The following TCEA1 variants were observed in gnomAD, a reference collection of about 807,000 sequenced individuals.
TCEA1 encodes transcription elongation factor A protein 1.
In TCEA1, 21 loss-of-function variants were observed where a neutral mutation model predicts 43.8. The observed-to-expected ratio is 0.48, with a 90% confidence interval of 0.34 to 0.69. The LOEUF (loss-of-function observed/expected upper bound fraction) is 0.69. Ranked by LOEUF, TCEA1 falls within the 30% of genes least tolerant of loss-of-function variation. The probability of loss-of-function intolerance (pLI) is 0.01; values close to 1 mark genes in which losing one functional copy is unlikely to be tolerated. For missense variants in TCEA1, 250 were observed against 365.1 expected (o/e 0.68, Z 2.57); for synonymous variants, 104 against 117.5 (o/e 0.88, Z 0.75).
Position 53,986,571 on chromosome 8 carries a change from T to G in TCEA1, c.523+398A>C, listed in dbSNP as rs183357793. 1.7e-3 allele frequency among the ~76,000 whole-genome samples: 252 copies of G among 152,362 alleles called. 2 individuals are homozygous for G. Among genetic ancestry groups the G allele is most frequent in the African/African-American group, 5.5e-3 (228 of 41,588 alleles). On this transcript the variant is annotated intron_variant, in intron 6 of 9. Coordinates refer to ENST00000521604, the MANE Select transcript of TCEA1 (RefSeq NM_006756.4). ...CTTCTAATTATGTTATCGGTTTGCC[T>G]TTCTTGTTCTCAATCATATTTTCAC... is the stretch of plus-strand genomic sequence containing the variant.
chr8:53,976,111 T>C (rs1803322978), intron 8 of TCEA1, among the ~76,000 whole-genome samples: 1 of 152,216 alleles, frequency 6.6e-6, no homozygotes, highest in South Asian at 2.1e-4. Flanking sequence ...TCTTAAGTTG[T>C]GGCAAGAACC....
intron 1 of TCEA1, among the ~76,000 whole-genome samples, chr8:54,016,381 G>A (rs1301615480): frequency 2.0e-5 from 3 of 152,156 alleles, no homozygotes; most frequent in East Asian, 3.9e-4. Flanking sequence ...TGAGGCAGGA[G>A]AATGGTGGGA....
chr8:54,009,264 A>G (rs1457075899), intron 2 of TCEA1, among the ~76,000 whole-genome samples: 2 of 152,222 alleles, frequency 1.3e-5, no homozygotes, highest in Non-Finnish European at 2.9e-5. Context: ...ATAAAACAGT[A>G]TGGAGATTTC....
At chr8:54,000,540 A>G (rs1167342481) in intron 2 of TCEA1, among the ~76,000 whole-genome samples, 2 of 152,370 alleles carry the variant, frequency 1.3e-5, no homozygotes, top group East Asian at 1.9e-4. Context: ...AGGAACCAGC[A>G]TATAATCAGA....
chr8:54,022,285 G>A lies in TCEA1; in HGVS notation c.-160C>T. On this transcript the variant is annotated 5_prime_UTR_variant, in exon 1 of 10. Transcript: ENST00000521604. ...CCTTACGAACGAAGCCCGCGGCGGC[G>A]GCGGCGGCGGCGGCGGCTCCGGCTC... is the stretch of plus-strand genomic sequence containing the variant. 1 of 794,682 alleles carries A rather than the reference G, an allele frequency of 1.3e-6. No individual in the cohort carries two copies. Among genetic ancestry groups the A allele is most frequent in the South Asian group, 1.6e-5 (1 of 63,912 alleles). 49.2% of individuals were successfully genotyped at this position (794,682 alleles called of 1,614,324 possible). A position where few individuals can be genotyped will look rare whatever the true frequency, so the allele number is the denominator to read the frequency against.
chr8:53,998,141 T>G lies in TCEA1; in HGVS notation c.232+1804A>C, dbSNP rs114385156. Among the ~76,000 whole-genome samples the G allele has an allele frequency of 4.1e-3, 622 of 152,340 alleles. 4 individuals carry two copies. The highest frequency in any genetic ancestry group is 0.014 in the African/African-American group (593 of 41,576). On this transcript the variant is annotated intron_variant, in intron 3 of 9. Transcript: ENST00000521604. ...AAAATACACATTAATGATGGTTACATGAATGTATATGTAAGATAAAATTGC... is the reference window on the plus strand; with the variant it reads ...AAAATACACATTAATGATGGTTACAGGAATGTATATGTAAGATAAAATTGC...
At chr8:54,020,558 G>A (rs931446443) in intron 1 of TCEA1, among the ~76,000 whole-genome samples, 2 of 152,204 alleles carry the variant, frequency 1.3e-5, no homozygotes, top group Non-Finnish European at 2.9e-5. Flanking sequence ...TAGCTGTCAT[G>A]TGGAAAGCAT....
At chr8:54,005,386 G>GA (rs1307453055) in intron 2 of TCEA1, among the ~76,000 whole-genome samples, 1 of 152,108 alleles carries the variant, frequency 6.6e-6, no homozygotes, top group Non-Finnish European at 1.5e-5. Context: ...AGTCATACTT[G>GA]ACAGCACTGC....
intron 1 of TCEA1, among the ~76,000 whole-genome samples, 182 bp from the exon 2 acceptor site, chr8:54,010,674 A>G (rs1273486724): frequency 1.3e-5 from 2 of 152,194 alleles, no homozygotes; most frequent in Non-Finnish European, 2.9e-5. Context: ...TAATTTAATC[A>G]TTTCATCTAA....
chr8:53,990,473 T>C (rs948733210), intron 4 of TCEA1, among the ~76,000 whole-genome samples: 2 of 151,668 alleles, frequency 1.3e-5, no homozygotes, highest in Non-Finnish European at 2.9e-5. Flanking sequence ...ACGGTTCTCC[T>C]GCCTCAGCCT....
At chr8:53,970,485 TGTACTTTTTGCA>T in intron 8 of TCEA1, 22 bp from the exon 9 acceptor site, 1 of 1,531,026 alleles carries the variant, frequency 6.5e-7, no homozygotes, top group Non-Finnish European at 9.0e-7. Context: ...TTAAATTAAA[TGTACTTTTTGCA>T]GTACTATTAA....
intron 1 of TCEA1, among the ~76,000 whole-genome samples, chr8:54,015,373 T>A (rs1033748896): frequency 2.0e-5 from 3 of 152,120 alleles, no homozygotes; most frequent in African/African-American, 7.2e-5. Context: ...TTTCACTATG[T>A]TAGCCAGGCT....
intron 1 of TCEA1, among the ~76,000 whole-genome samples, chr8:54,012,962 C>CAAAAAAAAAAAAAAAAAAAAA (rs72062714): frequency 1.3e-5 from 1 of 76,968 alleles, no homozygotes; most frequent in African/African-American, 4.2e-5. Context: ...ACGACGACGA[C>CAAAAAAAAAAAAAAAAAAAAA]AAAAAAAAAA....
chr8:54,008,474 G>A (rs533623129), intron 2 of TCEA1, among the ~76,000 whole-genome samples: 4 of 151,716 alleles, frequency 2.6e-5, no homozygotes, highest in East Asian at 1.9e-4. Flanking sequence ...GGAGAACCCC[G>A]TCTCTAAAAA....
rs948498871 is a variant in TCEA1 at position 53,978,917 on chromosome 8, T to C, written c.825+108A>G. On this transcript the variant is annotated intron_variant, in intron 8 of 9. Transcript: ENST00000521604. ...CAGGGTCTTAGAACATATCCCTCCA[T>C]GGATAAGTGAGGGACTATCATACTG... The C allele has an allele frequency of 6.1e-6, 8 of 1,319,304 alleles. No individual in the cohort carries two copies. The South Asian group carries it at 6.2e-5, about 10-fold the overall frequency. 81.7% of individuals were successfully genotyped at this position (1,319,304 alleles called of 1,614,324 possible). A position where few individuals can be genotyped will look rare whatever the true frequency, so the allele number is the denominator to read the frequency against.
Position 53,989,281 on chromosome 8 carries a change from G to A in TCEA1, c.321-1022C>T, listed in dbSNP as rs557586808. ...CAATTGCTTCTGAGTAGCTTCTTAC[G>A]TTGGATTATCACTAAAATGGGTTCT... On this transcript the variant is annotated intron_variant, in intron 4 of 9. Transcript: ENST00000521604. Among the ~76,000 whole-genome samples the A allele has an allele frequency of 5.9e-5, 9 of 152,194 alleles. No homozygotes were observed. The South Asian group carries it at 1.5e-3, about 25-fold the overall frequency.
intron 1 of TCEA1, among the ~76,000 whole-genome samples, chr8:54,013,716 A>G (rs1320814362): frequency 6.6e-6 from 1 of 151,712 alleles, no homozygotes; most frequent in Non-Finnish European, 1.5e-5. Flanking sequence ...AAAACAGACA[A>G]ACAAAAAGAA....
rs368038182 is a variant in TCEA1, at chr8:53,991,252, G to A, written c.320+2416C>T. 1.7e-4 allele frequency among the ~76,000 whole-genome samples: 26 copies of A among 151,820 alleles called. No individual in the cohort carries two copies. The South Asian group carries it at 3.5e-3, about 21-fold the overall frequency. On this transcript the variant is annotated intron_variant, in intron 4 of 9. Transcript: ENST00000521604. ...TACTAAAAGTACAAAAATTAGCTGG[G>A]TGTGTTGACGTGCACCTCTAATCCC...
At chr8:53,999,284 T>C (rs909029404) in intron 3 of TCEA1, among the ~76,000 whole-genome samples, 6 of 151,318 alleles carry the variant, frequency 4.0e-5, no homozygotes, top group African/African-American at 1.5e-4. Flanking sequence ...AGTGGATCTT[T>C]TCCTGAAGGT....
Sources: allele counts gnomAD v4.1 joint callset (sites outside exome capture counted in the v4.1 genomes callset), GRCh38; gene constraint gnomAD v4.1.1; transcripts MANE v1.5; gene names NCBI Gene and HGNC (gene_info 2026-07-23, HGNC 2026-07-21).